The following EPB41 variants were observed in gnomAD, a reference collection of about 807,000 sequenced individuals.
EPB41 encodes erythrocyte membrane protein band 4.1, also known as protein 4.1.
In EPB41, 65 loss-of-function variants were observed where a neutral mutation model predicts 108.0. The observed-to-expected ratio is 0.60, with a 90% CI of 0.49 to 0.74. EPB41 has a LOEUF of 0.74. EPB41 is among the 30% of genes least tolerant of loss of function. The pLI, the probability that EPB41 is intolerant of heterozygous loss-of-function variation, is 0.00. For missense variants in EPB41, 875 were observed against 1,037.0 expected (o/e 0.84, Z 2.15); for synonymous variants, 336 against 358.9 (o/e 0.94, Z 0.72).
intron 9 of EPB41, 101 bp downstream of exon 9, chr1:29,033,346 A>T: frequency 7.3e-7 from 1 of 1,374,920 alleles, no homozygotes. Context: ...AAGTCTCTCT[A>T]TAGTTAACTA....
chr1:29,058,112 G>T (rs1645867528), intron 12 of EPB41, among the ~76,000 whole-genome samples: 2 of 152,150 alleles, frequency 1.3e-5, no homozygotes, highest in Non-Finnish European at 2.9e-5. Context: ...TATTACATGT[G>T]TGTTTTAACT....
chr1:29,094,105 T>C (rs1662325249), intron 16 of EPB41, among the ~76,000 whole-genome samples: 1 of 152,186 alleles, frequency 6.6e-6, no homozygotes, highest in African/African-American at 2.4e-5. Flanking sequence ...ATTTATTGAA[T>C]AGAGAATTCT....
chr1:28,931,710 A>G (rs113580187), intron 1 of EPB41, among the ~76,000 whole-genome samples: 16,233 of 147,944 alleles, frequency 0.11, 1,167 homozygotes, highest in East Asian at 0.38. Context: ...TTTTTTTTGT[A>G]TTGTTGGTAG....
intron 17 of EPB41, among the ~76,000 whole-genome samples, chr1:29,107,123 C>T (rs894318313): frequency 2.0e-5 from 3 of 151,798 alleles, no homozygotes; most frequent in Admixed American, 6.6e-5. Context: ...GTGGAGGTTG[C>T]GGTGAGCCGA....
At chr1:29,060,386 TA>T (rs1260434284) in intron 14 of EPB41, 35 bp from the exon 15 acceptor site, 1 of 1,599,376 alleles carries the variant, frequency 6.3e-7, no homozygotes, top group South Asian at 1.1e-5. Flanking sequence ...TTTAATTTTT[TA>T]TGCTTTTCTG....
chr1:28,942,720 C>A (rs1244927653), intron 1 of EPB41, among the ~76,000 whole-genome samples: 1 of 152,152 alleles, frequency 6.6e-6, no homozygotes. Context: ...AGCTCCTTTA[C>A]CCTCCCTGGA....
chr1:28,917,696 T>C (rs1169738910), intron 1 of EPB41, among the ~76,000 whole-genome samples: 3 of 152,120 alleles, frequency 2.0e-5, no homozygotes, highest in Admixed American at 6.6e-5. Context: ...TTCTCCCACC[T>C]GAGCCTCCTG....
At chr1:28,935,467 A>ACACC (rs1294457517) in intron 1 of EPB41, among the ~76,000 whole-genome samples, 1 of 64,146 alleles carries the variant, frequency 1.6e-5, no homozygotes, top group Non-Finnish European at 3.2e-5. Flanking sequence ...ACACACACAC[A>ACACC]CCCCCCCCCC....
rs764697267 is a variant in EPB41 at position 28,987,489 on chromosome 1, C to A, written c.52C>A (p.Gln18Lys). 11 of 1,614,084 alleles carry A rather than the reference C, an allele frequency of 6.8e-6. No individual in the cohort carries two copies. The East Asian group carries it at 2.0e-4, about 29-fold the overall frequency. ...TGAGGCCGAAAATTCACAGCACCAACAGAAGGAAGAGGGTGAGGAAGCCAT... is the reference window on the plus strand; with the variant it reads ...TGAGGCCGAAAATTCACAGCACCAAAAGAAGGAAGAGGGTGAGGAAGCCAT... ...VTEAENSQHQ[Q>K]KEEGEEAINS... Residue 18 changes from glutamine (Q) to lysine (K), a missense_variant, in exon 2 of 21, where the codon CAG becomes AAG. Coordinates refer to ENST00000343067, the MANE Select transcript of EPB41 (RefSeq NM_001376013.1).
intron 1 of EPB41, among the ~76,000 whole-genome samples, chr1:28,981,241 T>A (rs901227335): frequency 1.3e-5 from 2 of 152,256 alleles, no homozygotes; most frequent in African/African-American, 4.8e-5. Context: ...ATATGAGTAC[T>A]TGTGAAACAA....
At chr1:28,977,862 TTTC>T (rs201404124) in intron 1 of EPB41, among the ~76,000 whole-genome samples, 3,587 of 149,102 alleles carry the variant, frequency 0.024, 63 homozygotes, top group Middle Eastern at 0.043. Context: ...AGGGTTTTTT[TTTC>T]TTTTTGCTAT....
chr1:29,029,538 C>G (rs2993715), intron 7 of EPB41, among the ~76,000 whole-genome samples: 120,999 of 152,132 alleles, frequency 0.8, 48,758 homozygotes, highest in East Asian at 0.92. Flanking sequence ...TGGGGATGTG[C>G]CTGCATTATT....
rs149430124 is a variant in EPB41, at chr1:28,998,541, A to G, written c.786+1222A>G. Among the ~76,000 whole-genome samples the G allele has an allele frequency of 3.9e-5, 6 of 152,338 alleles. No individual in the cohort carries two copies. In the East Asian group the frequency reaches 1.2e-3, roughly 29 times the overall value. ...TTGTAGATTAGGTTGTGTGAGTTAG[A>G]TAATGCAAACTAGAAGACATGGAAT... On this transcript the variant is annotated intron_variant, in intron 4 of 20. Coordinates refer to ENST00000343067, the MANE Select transcript of EPB41 (RefSeq NM_001376013.1).
rs377644509 is a variant in EPB41, at chr1:29,046,111, AT to A, written c.1636+6694del. Among the ~76,000 whole-genome samples the A allele has an allele frequency of 1.6e-3, 243 of 151,650 alleles. 1 individual carries two copies. Among genetic ancestry groups the A allele is most frequent in the African/African-American group, 4.6e-3 (190 of 41,410 alleles). ...TATACTCAGTAATCTTACTAAAAAA[AT>A]TTTTTTTTAATTTAATTTTATTTTT... On this transcript the variant is annotated intron_variant, in intron 11 of 20. Transcript: ENST00000343067.
In EPB41 at chr1:29,093,184, T is replaced by C. The variant is rs374589767; in HGVS notation, c.2185-4623T>C. 4.6e-5 allele frequency among the ~76,000 whole-genome samples: 7 copies of C among 152,336 alleles called. No homozygotes were observed. In the East Asian group the frequency reaches 7.7e-4, roughly 17 times the overall value. ...ATTCCCACCAACAGTGTGTAAGCAT[T>C]CCCTTTTCTCTGCAACCTCACCAGC... On this transcript the variant is annotated intron_variant, in intron 16 of 20. Transcript: ENST00000343067.
intron 17 of EPB41, among the ~76,000 whole-genome samples, chr1:29,105,158 C>T (rs1382056617): frequency 6.6e-6 from 1 of 152,196 alleles, no homozygotes; most frequent in African/African-American, 2.4e-5. Flanking sequence ...GCTCTGCTTT[C>T]TATCAGTATT....
intron 1 of EPB41, among the ~76,000 whole-genome samples, chr1:28,932,082 C>G (rs2093778850): frequency 6.6e-6 from 1 of 152,082 alleles, no homozygotes; most frequent in Admixed American, 6.6e-5. Context: ...GAATCATTTT[C>G]TTGGATTTAA....
At chr1:29,010,424 G>C (rs1055114031) in intron 4 of EPB41, among the ~76,000 whole-genome samples, 2 of 152,132 alleles carry the variant, frequency 1.3e-5, no homozygotes, top group African/African-American at 2.4e-5. Flanking sequence ...CAAGAGAGGG[G>C]CTCCTGAGGT....
chr1:29,067,996 G>T (rs1649216208), intron 16 of EPB41, among the ~76,000 whole-genome samples: 1 of 152,188 alleles, frequency 6.6e-6, no homozygotes, highest in Non-Finnish European at 1.5e-5. Flanking sequence ...TAATTTTGAT[G>T]TATCTGTAGT....
Sources: allele counts gnomAD v4.1 joint callset (sites outside exome capture counted in the v4.1 genomes callset), GRCh38; gene constraint gnomAD v4.1.1; transcripts MANE v1.5; gene names NCBI Gene and HGNC (gene_info 2026-07-23, HGNC 2026-07-21).